The following PTBP1 variants were observed in gnomAD, a reference collection of about 807,000 sequenced individuals.
The protein encoded by PTBP1 is polypyrimidine tract-binding protein 1.
A neutral mutation model predicts 59.8 loss-of-function variants in PTBP1; 8 were observed. The observed-to-expected ratio is 0.13, with a 90% CI of 0.08 to 0.24. PTBP1 has a LOEUF of 0.24. Ranked by LOEUF, PTBP1 falls within the 10% of genes least tolerant of loss-of-function variation. The probability of loss-of-function intolerance (pLI) is 1.00; values close to 1 mark genes in which losing one functional copy is unlikely to be tolerated. For synonymous variants in PTBP1, 490 were observed against 320.7 expected, an observed-to-expected ratio of 1.53 and a Z score of -5.64; for missense variants, 686 against 767.0, an observed-to-expected ratio of 0.89 and a Z score of 1.25.
In PTBP1 at chr19:808,652, C is replaced by T. The variant is rs2034696995; in HGVS notation, c.1353C>T (p.Gly451=). The T allele has an allele frequency of 8.1e-6, 13 of 1,612,112 alleles. No individual in the cohort carries two copies. Among genetic ancestry groups the T allele is most frequent in the Non-Finnish European group, 1.0e-5 (12 of 1,179,926 alleles). The change falls in exon 13 of 15, where the codon GGC becomes GGT. Residue 451 remains glycine, a synonymous_variant. Transcript: ENST00000356948. The surrounding 1 kb of genome is among the most constrained non-coding windows in gnomAD (Gnocchi z 4.7). ...CCCGCGAGGGCCAGGAGGACCAGGG[C>T]CTGACCAAGGACTACGGCAACTCAC... ...QLPREGQEDQ[G]LTKDYGNSPL...
chr19:804,967 G>A lies in PTBP1; in HGVS notation c.717+28G>A, dbSNP rs377333805. On this transcript the variant is annotated intron_variant, in intron 7 of 14. Transcript: ENST00000356948. ...GAGTGGGGCTCCCGGGACGGCGCCCGCCCTGGCCCTGGCCCGGCGACGTCT... is the reference window on the plus strand; with the variant it reads ...GAGTGGGGCTCCCGGGACGGCGCCCACCCTGGCCCTGGCCCGGCGACGTCT... 6.0e-5 allele frequency: 97 copies of A among 1,611,742 alleles called. 1 individual carries two copies. The South Asian group carries it at 9.1e-4, about 15-fold the overall frequency.
chr19:803,640 A>G lies in PTBP1; in HGVS notation c.115+4A>G. 6.2e-7 allele frequency: 1 copy of G among 1,613,850 alleles called. No individual in the cohort carries two copies. Among genetic ancestry groups the G allele is most frequent in the Non-Finnish European group, 8.5e-7 (1 of 1,179,748 alleles). Reference sequence around the variant, plus strand: ...AGCAGCAACTCGGCTTCTGCAGGTAAGGCCGGGACTCGGCCCAGGGCAAGA... The same window carrying G: ...AGCAGCAACTCGGCTTCTGCAGGTAGGGCCGGGACTCGGCCCAGGGCAAGA... On this transcript the variant is annotated splice_donor_region_variant and intron_variant, in intron 3 of 14. Transcript: ENST00000356948.
At position 811,182 on chromosome 19, in the gene PTBP1, GCCACACAC is replaced by G. The variant is rs2034848342; in HGVS notation, c.*361_*368del. On this transcript the variant is annotated 3_prime_UTR_variant, in exon 15 of 15. Transcript: ENST00000356948. The stretch of plus-strand genomic sequence containing the variant: ...GCCTTAAAAAACCTGCCTTCCTGCA[GCCACACAC>G]CCACCCGGGGTGTCCTGGGGACCCA... 1 of 183,216 alleles carries G rather than the reference GCCACACAC, an allele frequency of 5.5e-6. No homozygotes were observed. Among genetic ancestry groups the G allele is most frequent in the Non-Finnish European group, 1.1e-5 (1 of 88,784 alleles). 11.3% of individuals were successfully genotyped at this position (183,216 alleles called of 1,614,324 possible). A position where few individuals can be genotyped will look rare whatever the true frequency, so the allele number is the denominator to read the frequency against.
At chr19:803,749 C>T in intron 3 of PTBP1, 113 bp downstream of exon 3, 2 of 1,000,954 alleles carry the variant, frequency 2.0e-6, no homozygotes, top group Middle Eastern at 4.3e-4. Flanking sequence ...GGCCCATGGT[C>T]CACGCTACAG....
At position 806,410 on chromosome 19, in the gene PTBP1, C is replaced by G; in HGVS notation, c.973C>G (p.Leu325Val). The G allele has an allele frequency of 1.2e-6, 2 of 1,601,604 alleles. No individual in the cohort carries two copies. Among genetic ancestry groups the G allele is most frequent in the Non-Finnish European group, 1.7e-6 (2 of 1,174,604 alleles). The change falls in exon 10 of 15, where the codon CTT becomes GTT. Residue 325 changes from leucine (L) to valine (V), a missense_variant and splice_region_variant. Leu to Val is a conservative substitution (Grantham distance 32). Transcript: ENST00000356948. Reference sequence around the variant, plus strand: ...CATCTCACCTCCTGCTTTTCCAGGCCTTTCCGTTCCGAACGTCCACGGCGC... The same window carrying G: ...CATCTCACCTCCTGCTTTTCCAGGCGTTTCCGTTCCGAACGTCCACGGCGC... ...PTFAIPQAAGLSVPNVHGALA... is the reference protein window; with the variant it reads ...PTFAIPQAAGVSVPNVHGALA...
rs370183491 is a variant in PTBP1 at position 808,467 on chromosome 19, C to T, written c.1246+15C>T. The T allele has an allele frequency of 4.1e-4, 655 of 1,580,750 alleles. No individual in the cohort carries two copies. Among genetic ancestry groups the T allele is most frequent in the Middle Eastern group, 1.8e-3 (8 of 4,462 alleles). ...GGCCCAGCTGGGTAAGAGGCCGGGGCGGCCCCGGGGTGGAGGGGGCAGGGG... is the reference window on the plus strand; with the variant it reads ...GGCCCAGCTGGGTAAGAGGCCGGGGTGGCCCCGGGGTGGAGGGGGCAGGGG... On this transcript the variant is annotated intron_variant, in intron 12 of 14. Coordinates refer to ENST00000356948, the MANE Select transcript of PTBP1 (RefSeq NM_002819.5). The surrounding 1 kb of genome is among the most constrained non-coding windows in gnomAD (Gnocchi z 4.7).
intron 13 of PTBP1, among the ~76,000 whole-genome samples, chr19:810,284 C>T (rs1369345318): frequency 4.6e-5 from 7 of 151,716 alleles, no homozygotes; most frequent in East Asian, 1.9e-4. Flanking sequence ...CCCGCCTGGG[C>T]GACAGAGCAA....
chr19:799,176 C>G (rs1454179113), intron 1 of PTBP1, among the ~76,000 whole-genome samples: 1 of 152,202 alleles, frequency 6.6e-6, no homozygotes, highest in Non-Finnish European at 1.5e-5. Flanking sequence ...TGGGGTCCTG[C>G]TGGGAGGGAG....
chr19:809,353 ACGCTCTGTCGCC>A (rs1389580778), intron 13 of PTBP1, among the ~76,000 whole-genome samples: 2 of 148,968 alleles, frequency 1.3e-5, no homozygotes, highest in Non-Finnish European at 3.0e-5. Context: ...AGATGGAGTC[ACGCTCTGTCGCC>A]CAGGCTGGAG....
intron 13 of PTBP1, among the ~76,000 whole-genome samples, chr19:809,110 GTGAT>G (rs1224068778): frequency 6.6e-6 from 1 of 151,916 alleles, no homozygotes; most frequent in Non-Finnish European, 1.5e-5. Context: ...TTGGGTTCAA[GTGAT>G]TGTGCCACCT....
chr19:799,493 C>G (rs999455697), intron 2 of PTBP1, 50 bp downstream of exon 2: 2 of 1,597,586 alleles, frequency 1.3e-6, no homozygotes, highest in Non-Finnish European at 1.7e-6. Flanking sequence ...GACCTTGTGC[C>G]GACCCCGGGG....
At chr19:810,007 A>T (rs2034780522) in intron 13 of PTBP1, among the ~76,000 whole-genome samples, 1 of 152,232 alleles carries the variant, frequency 6.6e-6, no homozygotes, top group East Asian at 1.9e-4. Flanking sequence ...GTGAAATGTT[A>T]TCAGAAAATC....
chr19:800,182 C>G (rs970015805), intron 2 of PTBP1, among the ~76,000 whole-genome samples: 2 of 151,832 alleles, frequency 1.3e-5, no homozygotes, highest in African/African-American at 4.8e-5. Context: ...GATGCACCCC[C>G]CTTGGCCTCC....
intron 9 of PTBP1, chr19:806,097 C>A: frequency 3.1e-6 from 1 of 320,778 alleles, no homozygotes; most frequent in South Asian, 7.3e-5. Context: ...CCGGGACGGG[C>A]CCTGCTTGCC....
chr19:803,545 G>A lies in PTBP1; in HGVS notation c.40-16G>A. On this transcript the variant is annotated splice_polypyrimidine_tract_variant and intron_variant, in intron 2 of 14. Coordinates refer to ENST00000356948, the MANE Select transcript of PTBP1 (RefSeq NM_002819.5). ...CTGGTGGGAAGTGCAGCTCCGCGTT[G>A]TCCCTTCTCTTGCAGCGGGGATCTG... 6.2e-7 allele frequency: 1 copy of A among 1,611,600 alleles called. No homozygotes were observed. The highest frequency in any genetic ancestry group is 8.5e-7 in the Non-Finnish European group (1 of 1,177,744).
At chr19:804,237 T>G in intron 4 of PTBP1, 29 bp downstream of exon 4, 1 of 1,609,792 alleles carries the variant, frequency 6.2e-7, no homozygotes, top group Non-Finnish European at 8.5e-7. Flanking sequence ...TCCGGGGTGC[T>G]CACACCGTGC....
chr19:801,228 G>A (rs1210062201), intron 2 of PTBP1, among the ~76,000 whole-genome samples: 1 of 152,160 alleles, frequency 6.6e-6, no homozygotes, highest in Non-Finnish European at 1.5e-5. Context: ...GACCCTCCTG[G>A]GGTACCTGGC....
intron 10 of PTBP1, 190 bp from the exon 11 acceptor site, chr19:807,679 A>C: frequency 1.9e-6 from 1 of 518,026 alleles, no homozygotes; most frequent in Non-Finnish European, 3.4e-6. Context: ...AAAAACAAAA[A>C]TTCCCCCTCA....
chr19:803,769 C>A, intron 3 of PTBP1, 133 bp downstream of exon 3: 1 of 867,662 alleles, frequency 1.2e-6, no homozygotes, highest in Non-Finnish European at 1.8e-6. Context: ...GACCCAGGTC[C>A]AAGTTCTCGC....
Sources: allele counts gnomAD v4.1 joint callset (sites outside exome capture counted in the v4.1 genomes callset), GRCh38; gene constraint gnomAD v4.1.1; non-coding constraint Gnocchi (gnomAD v3.1); transcripts MANE v1.5; gene names NCBI Gene and HGNC (gene_info 2026-07-23, HGNC 2026-07-21).